The following ISM1 variants were observed in gnomAD, a reference collection of about 807,000 sequenced individuals.
ISM1 encodes isthmin 1.
In ISM1, 25 loss-of-function variants were observed where a neutral mutation model predicts 46.3. That is an observed-to-expected ratio of 0.54 (90% CI 0.39 to 0.75). ISM1 has a LOEUF of 0.75. ISM1 is among the 30% of genes least tolerant of loss of function. The pLI, the probability that ISM1 is intolerant of heterozygous loss-of-function variation, is 0.00. For missense variants in ISM1, 536 were observed against 625.4 expected, an observed-to-expected ratio of 0.86 and a Z score of 1.52; for synonymous variants, 255 against 256.7, an observed-to-expected ratio of 0.99 and a Z score of 0.06.
chr20:13,272,855 G>A (rs969105571), intron 2 of ISM1, among the ~76,000 whole-genome samples: 1 of 152,302 alleles, frequency 6.6e-6, no homozygotes, highest in African/African-American at 2.4e-5. Flanking sequence ...AGATGTTCTG[G>A]TTCCAGAATC....
At chr20:13,273,745 G>A (rs2123262341) in intron 2 of ISM1, among the ~76,000 whole-genome samples, 1 of 152,292 alleles carries the variant, frequency 6.6e-6, no homozygotes, top group East Asian at 1.9e-4. Flanking sequence ...CCTAGCTACT[G>A]TCAAAGTCAA....
the ISM1 span, among the ~76,000 whole-genome samples, chr20:13,325,144 C>T: frequency 6.6e-6 from 1 of 152,194 alleles, no homozygotes; most frequent in Non-Finnish European, 1.5e-5. Flanking sequence ...AGGGTGCCCA[C>T]AGGACAGCCC....
chr20:13,267,703 A>G (rs577700792), intron 1 of ISM1, among the ~76,000 whole-genome samples: 3 of 152,322 alleles, frequency 2.0e-5, no homozygotes, highest in African/African-American at 7.2e-5. Context: ...TCAGACATCT[A>G]GGCAAAATGT....
intron 1 of ISM1, among the ~76,000 whole-genome samples, chr20:13,267,347 T>C (rs932304424): frequency 2.0e-5 from 3 of 152,184 alleles, no homozygotes; most frequent in Admixed American, 2.0e-4. Context: ...AATGCCACAG[T>C]TGTGTGCATA....
intron 1 of ISM1, among the ~76,000 whole-genome samples, chr20:13,253,536 T>G (rs1330821733): frequency 6.6e-6 from 1 of 152,188 alleles, no homozygotes; most frequent in Non-Finnish European, 1.5e-5. Flanking sequence ...GTTCCTCACC[T>G]TCTCTTGGTG....
At chr20:13,259,423 A>T (rs2039964294) in intron 1 of ISM1, among the ~76,000 whole-genome samples, 1 of 152,216 alleles carries the variant, frequency 6.6e-6, no homozygotes, top group Non-Finnish European at 1.5e-5. Context: ...CTGTAATCTA[A>T]ATTTGAAGAC....
downstream of ISM1, among the ~76,000 whole-genome samples, chr20:13,304,668 T>C (rs73082233): frequency 0.22 from 33,893 of 152,140 alleles, 4,090 homozygotes; most frequent in East Asian, 0.36. Context: ...GTCAACTGTT[T>C]GGTGATCTTG....
the ISM1 span, among the ~76,000 whole-genome samples, chr20:13,321,460 G>C: frequency 6.6e-6 from 1 of 152,090 alleles, no homozygotes; most frequent in Non-Finnish European, 1.5e-5. Flanking sequence ...TCCAAGGGGA[G>C]AAACGCTCTA....
In ISM1 at chr20:13,270,489, G is replaced by T. The variant is rs778311720; in HGVS notation, c.139-15G>T. On this transcript the variant is annotated splice_polypyrimidine_tract_variant and intron_variant, in intron 1 of 5. Transcript: ENST00000262487. ...GTGTCTCCTTAACAGGTGTTTGCTT[G>T]TTTGTTTGTTTTAGAATAACCTCAA... is the stretch of plus-strand genomic sequence containing the variant. 1.2e-6 allele frequency: 2 copies of T among 1,603,750 alleles called. No homozygotes were observed. The highest frequency in any genetic ancestry group is 1.7e-6 in the Non-Finnish European group (2 of 1,174,716).
chr20:13,221,993 G>A (rs2039455345), intron 1 of ISM1, 79 bp downstream of exon 1: 1 of 1,221,880 alleles, frequency 8.2e-7, no homozygotes, highest in Non-Finnish European at 1.0e-6. Context: ...AGTGCCGGGT[G>A]GATGCAGGGA....
At chr20:13,233,438 A>T (rs1486518544) in intron 1 of ISM1, among the ~76,000 whole-genome samples, 1 of 151,960 alleles carries the variant, frequency 6.6e-6, no homozygotes, top group Non-Finnish European at 1.5e-5. Flanking sequence ...TCTACTGACA[A>T]TACAAAATTA....
At chr20:13,265,045 G>A (rs2040027836) in intron 1 of ISM1, among the ~76,000 whole-genome samples, 1 of 152,246 alleles carries the variant, frequency 6.6e-6, no homozygotes, top group East Asian at 1.9e-4. Context: ...ACTGTGCGTT[G>A]GGCCCGATGT....
chr20:13,249,062 T>C (rs777391516), intron 1 of ISM1, among the ~76,000 whole-genome samples: 137 of 152,336 alleles, frequency 9.0e-4, no homozygotes, highest in Non-Finnish European at 1.7e-3. Context: ...TCAGGAGCCC[T>C]GCAAAGAACC....
chr20:13,266,943 G>A (rs2040049387), intron 1 of ISM1, among the ~76,000 whole-genome samples: 1 of 152,204 alleles, frequency 6.6e-6, no homozygotes, highest in Non-Finnish European at 1.5e-5. Flanking sequence ...AGGATGTGCA[G>A]TAAGTCCCTT....
At chr20:13,306,576 A>G in the ISM1 span, among the ~76,000 whole-genome samples, 2 of 149,096 alleles carry the variant, frequency 1.3e-5, no homozygotes, top group African/African-American at 5.0e-5. Context: ...AAAAAAAAAA[A>G]AAAAAAAAAA....
the ISM1 span, among the ~76,000 whole-genome samples, chr20:13,324,305 G>C: frequency 6.6e-6 from 1 of 152,198 alleles, no homozygotes; most frequent in African/African-American, 2.4e-5. Context: ...AAAATTCACA[G>C]AGAGTTGTAG....
chr20:13,223,596 C>T (rs762276384), intron 1 of ISM1, among the ~76,000 whole-genome samples: 29 of 152,316 alleles, frequency 1.9e-4, no homozygotes, highest in Non-Finnish European at 4.0e-4. Flanking sequence ...GAAAAGTACA[C>T]ACCCCAAAGC....
At chr20:13,231,186 C>T (rs1342001509) in intron 1 of ISM1, among the ~76,000 whole-genome samples, 1 of 152,174 alleles carries the variant, frequency 6.6e-6, no homozygotes, top group Non-Finnish European at 1.5e-5. Context: ...AGCAACAATA[C>T]AGGAAGTCTC....
chr20:13,242,141 G>T (rs1038589893), intron 1 of ISM1, among the ~76,000 whole-genome samples: 2 of 152,170 alleles, frequency 1.3e-5, no homozygotes, highest in African/African-American at 2.4e-5. Flanking sequence ...AGGGAAGAGG[G>T]TGGTTGAGAT....
Sources: gnomAD v4.1 joint callset for allele counts (sites outside exome capture counted in the v4.1 genomes callset) on GRCh38, gnomAD v4.1.1 for gene constraint, MANE v1.5 for transcripts, NCBI Gene and HGNC (gene_info 2026-07-23, HGNC 2026-07-21) for gene names.